Variants in KCNN4 observed in about 807,000 individuals in gnomAD.
KCNN4 encodes the protein potassium calcium-activated channel subfamily N member 4, also known as intermediate conductance calcium-activated potassium channel protein 4.
A neutral mutation model predicts 45.2 loss-of-function variants in KCNN4; 31 were observed. The ratio of observed to expected loss-of-function variants is 0.69; its 90% confidence interval spans 0.52 to 0.92. KCNN4 has a LOEUF of 0.92. KCNN4 is among the 40% of genes least tolerant of loss of function. The pLI is 0.00. For missense variants in KCNN4, 463 were observed against 574.0 expected (o/e 0.81, Z 1.98); for synonymous variants, 231 against 254.6 (o/e 0.91, Z 0.88).
At chr19:43,776,748 C>G (rs1276152929) in intron 1 of KCNN4, 112 bp from the exon 2 acceptor site, 2 of 693,396 alleles carry the variant, frequency 2.9e-6, no homozygotes, top group Non-Finnish European at 5.2e-6. Flanking sequence ...ATTTTCCTAG[C>G]CTCCTTCCCC....
intron 7 of KCNN4, among the ~76,000 whole-genome samples, chr19:43,768,694 TAAC>T (rs1345206668): frequency 6.6e-6 from 1 of 152,220 alleles, no homozygotes; most frequent in Non-Finnish European, 1.5e-5. Flanking sequence ...GTAAGTAACT[TAAC>T]AATAAAGATA....
Position 43,774,844 on chromosome 19 carries a change from C to T in KCNN4, c.256-225G>A, listed in dbSNP as rs1235278157. 6.6e-6 allele frequency among the ~76,000 whole-genome samples: 1 copy of T among 152,196 alleles called. No individual in the cohort carries two copies. The highest frequency in any genetic ancestry group is 1.5e-5 in the Non-Finnish European group (1 of 68,042). ...ACCACCCACCCCACTAGTTTCAGCCCACTTCCAGCCTTTGAACACTGACTG... is the reference window on the plus strand; with the variant it reads ...ACCACCCACCCCACTAGTTTCAGCCTACTTCCAGCCTTTGAACACTGACTG... On this transcript the variant is annotated intron_variant, in intron 2 of 8. Transcript: ENST00000648319. This position sits in a 1 kb window ranked among gnomAD's most constrained non-coding sequence, Gnocchi z 5.6.
At chr19:43,780,648 C>A in intron 1 of KCNN4, 55 bp downstream of exon 1, 2 of 1,369,734 alleles carry the variant, frequency 1.5e-6, no homozygotes, top group South Asian at 1.2e-5. Context: ...TGACCCCCAG[C>A]CCCTCCTCCC....
In KCNN4 at chr19:43,774,713, G is replaced by A; in HGVS notation, c.256-94C>T. 1 of 1,129,866 alleles carries A rather than the reference G, an allele frequency of 8.9e-7. No individual in the cohort carries two copies. The highest frequency in any genetic ancestry group is 1.7e-5 in the African/African-American group (1 of 59,860). The allele number at this position is 1,129,866 out of a possible 1,614,324, so 70.0% of individuals were successfully genotyped here. ...CCTGCCTGCGCCCTGAGATAAGTGG[G>A]GTGTGCCGCCTGGCCAGGAGGGAGG... On this transcript the variant is annotated intron_variant, in intron 2 of 8. Coordinates refer to ENST00000648319, the MANE Select transcript of KCNN4 (RefSeq NM_002250.3). This position sits in a 1 kb window ranked among gnomAD's most constrained non-coding sequence, Gnocchi z 5.6.
intron 7 of KCNN4, among the ~76,000 whole-genome samples, chr19:43,768,244 C>G (rs541696515): frequency 1.3e-5 from 2 of 152,342 alleles, no homozygotes; most frequent in African/African-American, 4.8e-5. Flanking sequence ...TGAGACCTGC[C>G]ATGCGGTTTT....
At chr19:43,779,376 G>A (rs986218144) in intron 1 of KCNN4, among the ~76,000 whole-genome samples, 3 of 148,700 alleles carry the variant, frequency 2.0e-5, no homozygotes, top group Non-Finnish European at 4.5e-5. Flanking sequence ...AGTGCCCGCC[G>A]CCTGCCAGAG....
intron 1 of KCNN4, chr19:43,776,847 C>T: frequency 1.9e-6 from 1 of 534,506 alleles, no homozygotes; most frequent in Non-Finnish European, 3.4e-6. Context: ...CCTGTAATCC[C>T]AACACTCTGG....
rs1444093897 is a variant in KCNN4 at position 43,774,073 on chromosome 19, A to C, written c.683+119T>G. 1 of 1,086,498 alleles carries C rather than the reference A, an allele frequency of 9.2e-7. No individual in the cohort carries two copies. Among genetic ancestry groups the C allele is most frequent in the Non-Finnish European group, 1.3e-6 (1 of 763,818 alleles). 67.3% of individuals were successfully genotyped at this position (1,086,498 alleles called of 1,614,324 possible). A position where few individuals can be genotyped will look rare whatever the true frequency, so the allele number is the denominator to read the frequency against. On this transcript the variant is annotated intron_variant, in intron 3 of 8. Coordinates refer to ENST00000648319, the MANE Select transcript of KCNN4 (RefSeq NM_002250.3). The surrounding 1 kb of genome is among the most constrained non-coding windows in gnomAD (Gnocchi z 5.6). ...CAGCCAGCAAGAGGAGAAGGGGTCA[A>C]AGTGTGAACTTTCTCCACTGCTTGG...
intron 8 of KCNN4, 79 bp downstream of exon 8, chr19:43,767,460 GC>G: frequency 6.7e-7 from 1 of 1,496,238 alleles, no homozygotes. Flanking sequence ...GCCATCCCCC[GC>G]CCCCTTAGCC....
intron 1 of KCNN4, among the ~76,000 whole-genome samples, chr19:43,777,298 G>GGTGTGTGTGTGTGT (rs370942754): frequency 9.1e-5 from 3 of 33,064 alleles, no homozygotes; most frequent in Admixed American, 2.9e-4. Flanking sequence ...TAGTTCTTCA[G>GGTGTGTGTGTGTGT]GTGTGTGTGT....
Position 43,769,643 on chromosome 19 carries a change from C to G in KCNN4, c.930+76G>C, listed in dbSNP as rs1969587234. ...GGGCTAGGGCTGGGACTCTTGGGTC[C>G]TAGGGGAAGCAGGGGCGCCTGGACT... On this transcript the variant is annotated intron_variant, in intron 5 of 8. Transcript: ENST00000648319. The surrounding 1 kb of genome is among the most constrained non-coding windows in gnomAD (Gnocchi z 4.4). 1.3e-6 allele frequency: 2 copies of G among 1,565,490 alleles called. No homozygotes were observed. Among genetic ancestry groups the G allele is most frequent in the East Asian group, 4.5e-5 (2 of 44,562 alleles).
Position 43,780,899 on chromosome 19 carries a change from C to T in KCNN4, c.-38G>A. On this transcript the variant is annotated 5_prime_UTR_variant, in exon 1 of 9. Coordinates refer to ENST00000648319, the MANE Select transcript of KCNN4 (RefSeq NM_002250.3). ...CTTGGGGCTCAGCCAGCTTCCTGCC[C>T]AGGGTCCCCCACCTCGCAGCACGCA... is the stretch of plus-strand genomic sequence containing the variant. 1 of 1,607,162 alleles carries T rather than the reference C, an allele frequency of 6.2e-7. No homozygotes were observed. The highest frequency in any genetic ancestry group is 1.7e-4 in the Middle Eastern group (1 of 5,868).
In KCNN4 at chr19:43,772,208, A is replaced by C; in HGVS notation, c.684-73T>G. ...CATGATATTCACTCCCCTTCCCTCTATACCCTCCCATCCCCTTCCCTCTGG... is the reference window on the plus strand; with the variant it reads ...CATGATATTCACTCCCCTTCCCTCTCTACCCTCCCATCCCCTTCCCTCTGG... On this transcript the variant is annotated intron_variant, in intron 3 of 8. Coordinates refer to ENST00000648319, the MANE Select transcript of KCNN4 (RefSeq NM_002250.3). The surrounding 1 kb of genome is among the most constrained non-coding windows in gnomAD (Gnocchi z 4.4). 6.5e-7 allele frequency: 1 copy of C among 1,547,492 alleles called. No homozygotes were observed. The highest frequency in any genetic ancestry group is 1.2e-5 in the South Asian group (1 of 85,530).
intron 8 of KCNN4, 151 bp from the exon 9 acceptor site, chr19:43,767,240 T>G (rs1969504482): frequency 2.9e-6 from 1 of 341,342 alleles, no homozygotes; most frequent in South Asian, 4.7e-5. Flanking sequence ...CAGGAGGGCA[T>G]TTAGACAGAG....
chr19:43,770,142 G>T (rs1969603761), intron 4 of KCNN4, among the ~76,000 whole-genome samples: 1 of 152,068 alleles, frequency 6.6e-6, no homozygotes, highest in Non-Finnish European at 1.5e-5. Flanking sequence ...GTGCTCATGT[G>T]GTCAGCCATT....
rs961018947 is a variant in KCNN4 at position 43,774,767 on chromosome 19, G to A, written c.256-148C>T. ...TGCAGGGCGGGAGAGGGATAGGGAGGGAGCGGGACAGGACTTGAGGAAGAC... is the reference window on the plus strand; with the variant it reads ...TGCAGGGCGGGAGAGGGATAGGGAGAGAGCGGGACAGGACTTGAGGAAGAC... On this transcript the variant is annotated intron_variant, in intron 2 of 8. Transcript: ENST00000648319. The surrounding 1 kb of genome is among the most constrained non-coding windows in gnomAD (Gnocchi z 5.6). 2 of 616,740 alleles carry A rather than the reference G, an allele frequency of 3.2e-6. No homozygotes were observed. The highest frequency in any genetic ancestry group is 4.5e-4 in the Middle Eastern group (1 of 2,244). 38.2% of individuals were successfully genotyped at this position (616,740 alleles called of 1,614,324 possible).
chr19:43,775,688 G>T (rs765706314), intron 2 of KCNN4, among the ~76,000 whole-genome samples: 84 of 152,122 alleles, frequency 5.5e-4, no homozygotes, highest in Non-Finnish European at 1.6e-4. Flanking sequence ...AAAGGGAATG[G>T]AGCAACAGGA....
At chr19:43,777,078 C>T (rs539784596) in intron 1 of KCNN4, among the ~76,000 whole-genome samples, 39 of 152,070 alleles carry the variant, frequency 2.6e-4, no homozygotes, top group African/African-American at 9.4e-4. Context: ...AGCGAGTCTC[C>T]GTCTCGAAAC....
chr19:43,767,490 A>C (rs1969512329), intron 8 of KCNN4, 50 bp downstream of exon 8: 1 of 1,587,232 alleles, frequency 6.3e-7, no homozygotes, highest in Non-Finnish European at 8.6e-7. Flanking sequence ...TGCTGGCCAC[A>C]GGAACCCTTC....
Sources: gnomAD v4.1 joint callset for allele counts (sites outside exome capture counted in the v4.1 genomes callset) on GRCh38, gnomAD v4.1.1 for gene constraint, Gnocchi (gnomAD v3.1) non-coding constraint, MANE v1.5 for transcripts, NCBI Gene and HGNC (gene_info 2026-07-23, HGNC 2026-07-21) for gene names.